ADCY5: variants seen among roughly 807,000 people sequenced by gnomAD.
The protein encoded by ADCY5 is adenylate cyclase type 5.
In ADCY5, 30 loss-of-function variants were observed where a neutral mutation model predicts 119.7. That is an observed-to-expected ratio of 0.25 (90% confidence interval 0.19 to 0.34). ADCY5 has a LOEUF of 0.34. ADCY5 is among the 10% of genes least tolerant of loss of function. The probability of loss-of-function intolerance (pLI) is 1.00; values close to 1 mark genes in which losing one functional copy is unlikely to be tolerated. For synonymous variants in ADCY5, 753 were observed against 762.2 expected, an observed-to-expected ratio of 0.99 and a Z score of 0.20; for missense variants, 1,324 against 1,775.2, an observed-to-expected ratio of 0.75 and a Z score of 4.57.
chr3:123,284,815 A>G, intron 20 of ADCY5, 79 bp from the exon 21 acceptor site: 1 of 1,584,702 alleles, frequency 6.3e-7, no homozygotes, highest in Non-Finnish European at 8.6e-7. Context: ...GCCACCTCTG[A>G]CTGCCCAGCC....
At chr3:123,308,288 C>G in intron 12 of ADCY5, among the ~76,000 whole-genome samples, 1 of 151,756 alleles carries the variant, frequency 6.6e-6, no homozygotes, top group East Asian at 2.0e-4. Flanking sequence ...CCGCCCGCCT[C>G]AGCCTCCCAA....
chr3:123,414,959 T>C (rs1045634642), intron 1 of ADCY5, among the ~76,000 whole-genome samples: 1 of 152,156 alleles, frequency 6.6e-6, no homozygotes, highest in South Asian at 2.1e-4. Flanking sequence ...CAGGTAGTCA[T>C]AGCCAGAAGC....
At chr3:123,358,169 TGTGTGTGTGTGTGTGTGTG>T (rs1245707531) in intron 1 of ADCY5, among the ~76,000 whole-genome samples, 1 of 52,916 alleles carries the variant, frequency 1.9e-5, no homozygotes, top group Non-Finnish European at 5.0e-5. Flanking sequence ...TGTGTGTGTG[TGTGTGTGTGTGTGTGTGTG>T]TGTGTGTAGG....
At chr3:123,329,441 A>G (rs1941655682) in intron 5 of ADCY5, among the ~76,000 whole-genome samples, 1 of 152,148 alleles carries the variant, frequency 6.6e-6, no homozygotes, top group Non-Finnish European at 1.5e-5. Flanking sequence ...CCCAGTAGAC[A>G]GGGCAGGCCC....
At chr3:123,328,263 C>T (rs1657383759) in intron 6 of ADCY5, among the ~76,000 whole-genome samples, 1 of 152,120 alleles carries the variant, frequency 6.6e-6, no homozygotes, top group African/African-American at 2.4e-5. Flanking sequence ...GCAGGCTCTT[C>T]CCACCCCACC....
intron 8 of ADCY5, among the ~76,000 whole-genome samples, chr3:123,321,237 TCCC>T (rs1162599298): frequency 6.6e-6 from 1 of 152,010 alleles, no homozygotes; most frequent in African/African-American, 2.4e-5. Context: ...ACACATAAAA[TCCC>T]CAGGAGTTCG....
intron 3 of ADCY5, among the ~76,000 whole-genome samples, chr3:123,341,683 T>A (rs529048718): frequency 6.6e-6 from 1 of 152,246 alleles, no homozygotes; most frequent in South Asian, 2.1e-4. Flanking sequence ...ATTAATTTTT[T>A]TTTTTAAAGA....
Position 123,352,324 on chromosome 3 carries a change from G to C in ADCY5, c.1284+108C>G. ...TGGGTTGGTCCCCTCCCGGGGAGTG[G>C]GGCTGGCAGCCGTAATAAGCACTGC... is the stretch of plus-strand genomic sequence containing the variant. On this transcript the variant is annotated intron_variant, in intron 2 of 20. Coordinates refer to ENST00000462833, the MANE Select transcript of ADCY5 (RefSeq NM_183357.3). This position sits in a 1 kb window ranked among gnomAD's most constrained non-coding sequence, Gnocchi z 4.8. The C allele has an allele frequency of 7.3e-7, 1 of 1,373,436 alleles. No individual in the cohort carries two copies. Among genetic ancestry groups the C allele is most frequent in the East Asian group, 2.5e-5 (1 of 40,212 alleles). The allele number at this position is 1,373,436 out of a possible 1,614,324, so 85.1% of individuals were successfully genotyped here.
chr3:123,314,592 C>T (rs887331359), intron 11 of ADCY5, among the ~76,000 whole-genome samples: 6 of 152,210 alleles, frequency 3.9e-5, no homozygotes, highest in Non-Finnish European at 5.9e-5. Flanking sequence ...CCTCCCCTTC[C>T]GGTGGAGACA....
At chr3:123,314,448 G>T in intron 11 of ADCY5, 126 bp from the exon 12 acceptor site, 3 of 698,984 alleles carry the variant, frequency 4.3e-6, no homozygotes, top group Non-Finnish European at 7.3e-6. Context: ...AGAGGGCCTG[G>T]GCTCTGAAAT....
chr3:123,297,241 C>CT (rs771608411), intron 16 of ADCY5, 112 bp downstream of exon 16: 8 of 1,479,940 alleles, frequency 5.4e-6, no homozygotes, highest in Non-Finnish European at 7.5e-6. Flanking sequence ...TGGCCTTCTC[C>CT]TTCACTACCC....
Position 123,448,541 on chromosome 3 carries a change from G to A in ADCY5, c.5C>T (p.Ser2Phe). The change falls in exon 1 of 21, where the codon TCC becomes TTC. Residue 2 changes from serine to phenylalanine, a missense_variant. This residue lies in a region of ADCY5 where 585 missense variants were observed against 569.9 expected (regional missense o/e 1.03). Coordinates refer to ENST00000462833, the MANE Select transcript of ADCY5 (RefSeq NM_183357.3). The part of the protein sequence containing the change: M[S>F]GSKSVSPPGY... Reference sequence around the variant, plus strand: ...CGGGGGGCTCACGCTTTTGGAGCCGGACATCCCCCCCTCGGCCTCGTCGTC... The same window carrying A: ...CGGGGGGCTCACGCTTTTGGAGCCGAACATCCCCCCCTCGGCCTCGTCGTC... 5.5e-6 allele frequency: 7 copies of A among 1,265,242 alleles called. 1 individual carries two copies. In the South Asian group the frequency reaches 1.2e-4, roughly 21 times the overall value. 78.4% of individuals were successfully genotyped at this position (1,265,242 alleles called of 1,614,324 possible).
At position 123,350,646 on chromosome 3, in the gene ADCY5, C is replaced by T. The variant is rs558810383; in HGVS notation, c.1284+1786G>A. Reference sequence around the variant, plus strand: ...GGGAGCCCCAGCAGCTCTTTCTGCACGCCTTGCTGGCTATGGCCGGTTGAG... The same window carrying T: ...GGGAGCCCCAGCAGCTCTTTCTGCATGCCTTGCTGGCTATGGCCGGTTGAG... On this transcript the variant is annotated intron_variant, in intron 2 of 20. Transcript: ENST00000462833. Among the ~76,000 whole-genome samples, 250 of 152,332 alleles carry T rather than the reference C, an allele frequency of 1.6e-3. 1 individual carries two copies. Among genetic ancestry groups the T allele is most frequent in the African/African-American group, 5.7e-3 (237 of 41,578 alleles).
At chr3:123,305,901 A>G (rs898824848) in intron 12 of ADCY5, among the ~76,000 whole-genome samples, 1 of 152,214 alleles carries the variant, frequency 6.6e-6, no homozygotes, top group African/African-American at 2.4e-5. Context: ...GAGGCCTGGC[A>G]GTGCTCCGCC....
At chr3:123,446,654 C>T (rs1457295593) in intron 1 of ADCY5, among the ~76,000 whole-genome samples, 1 of 152,214 alleles carries the variant, frequency 6.6e-6, no homozygotes, top group African/African-American at 2.4e-5. Context: ...GTTCTAGACT[C>T]ACCCAACAAA....
chr3:123,319,315 C>G (rs1046762154), intron 10 of ADCY5, among the ~76,000 whole-genome samples: 3 of 142,514 alleles, frequency 2.1e-5, no homozygotes, highest in Non-Finnish European at 3.0e-5. Context: ...GATCAAGCCA[C>G]TGGACTCCAG....
chr3:123,361,823 G>A (rs916826546), intron 1 of ADCY5, among the ~76,000 whole-genome samples: 1 of 152,152 alleles, frequency 6.6e-6, no homozygotes, highest in African/African-American at 2.4e-5. Flanking sequence ...GTAGCCTGAA[G>A]GTAATTTTAT....
chr3:123,297,204 C>A, intron 16 of ADCY5, 149 bp downstream of exon 16: 3 of 1,364,098 alleles, frequency 2.2e-6, no homozygotes. Context: ...CTTGCTACCC[C>A]AGGAGGAACC....
rs778819131 is a variant in ADCY5, at chr3:123,284,775, G to A, written c.3658-39C>T. 29 of 1,613,354 alleles carry A rather than the reference G, an allele frequency of 1.8e-5. 1 individual carries two copies. The South Asian group carries it at 3.2e-4, about 18-fold the overall frequency. ...GGAGGAGAGAGGGCAAGCCACTGAT[G>A]GCCTTGGCCATGAACTGCTGTGGGG... On this transcript the variant is annotated intron_variant, in intron 20 of 20. Transcript: ENST00000462833.
Sources: gnomAD v4.1 joint callset for allele counts (sites outside exome capture counted in the v4.1 genomes callset) on GRCh38, gnomAD v4.1.1 for gene constraint, gnomAD v4.1.1 regional missense constraint, Gnocchi (gnomAD v3.1) non-coding constraint, MANE v1.5 for transcripts, NCBI Gene and HGNC (gene_info 2026-07-23, HGNC 2026-07-21) for gene names.